Variants in MGA observed in about 807,000 individuals in gnomAD.
MGA encodes the protein MAX gene-associated protein.
A neutral mutation model predicts 261.1 loss-of-function variants in MGA; 40 were observed. The observed-to-expected ratio is 0.15, with a 90% CI of 0.12 to 0.20. MGA has a LOEUF of 0.20. Among genes scored for constraint, MGA ranks in the 10% least tolerant of loss-of-function variants. The pLI is 1.00. For missense variants in MGA, 3,397 were observed against 3,630.5 expected, an observed-to-expected ratio of 0.94 and a Z score of 1.65; for synonymous variants, 1,302 against 1,290.6, an observed-to-expected ratio of 1.01 and a Z score of -0.19.
At chr15:41,714,371 A>G (rs1194299524) in intron 9 of MGA, among the ~76,000 whole-genome samples, 1 of 152,192 alleles carries the variant, frequency 6.6e-6, no homozygotes, top group African/African-American at 2.4e-5. Context: ...TCTTTATTAT[A>G]AGCTGTACGG....
intron 2 of MGA, among the ~76,000 whole-genome samples, chr15:41,694,942 G>C (rs1013345692): frequency 6.6e-6 from 1 of 152,098 alleles, no homozygotes; most frequent in African/African-American, 2.4e-5. Context: ...GGCTATAAAT[G>C]CTGTTTTCAG....
intron 17 of MGA, among the ~76,000 whole-genome samples, chr15:41,752,686 C>T (rs2062910641): frequency 6.6e-6 from 1 of 150,960 alleles, no homozygotes; most frequent in Non-Finnish European, 1.5e-5. Flanking sequence ...TCCCGAGTAG[C>T]TTGGGATTAC....
intron 1 of MGA, among the ~76,000 whole-genome samples, chr15:41,625,359 T>C (rs751062430): frequency 2.0e-5 from 3 of 151,852 alleles, no homozygotes; most frequent in Non-Finnish European, 4.4e-5. Flanking sequence ...GGAGATCCAG[T>C]AATCAGCAAA....
chr15:41,718,014 C>CAA (rs759110458), intron 9 of MGA, among the ~76,000 whole-genome samples: 7 of 90,312 alleles, frequency 7.8e-5, no homozygotes, highest in African/African-American at 1.3e-4. Flanking sequence ...GACCCTGTCT[C>CAA]AAAAAAAAAA....
At chr15:41,752,907 G>A (rs140763407) in intron 17 of MGA, among the ~76,000 whole-genome samples, 14 of 152,080 alleles carry the variant, frequency 9.2e-5, no homozygotes, top group African/African-American at 3.4e-4. Flanking sequence ...GTACTAATAG[G>A]GAATTTGACA....
chr15:41,749,823 G>T lies in MGA; in HGVS notation c.6216G>T (p.Arg2072Ser). The T allele has an allele frequency of 6.2e-7, 1 of 1,613,916 alleles. No individual in the cohort carries two copies. Among genetic ancestry groups the T allele is most frequent in the African/African-American group, 1.3e-5 (1 of 75,038 alleles). ...ATGTTAATGAAGAATATGGGGCTAG[G>T]AATCGTAAGAGTTCCAAAGAAAAAG... Residue 2072 changes from arginine (R) to serine (S), a missense_variant, in exon 17 of 24, where the codon AGG (arginine) becomes AGT (serine). Arg to Ser is a moderately radical substitution (Grantham distance 110). Coordinates refer to ENST00000219905, the MANE Select transcript of MGA (RefSeq NM_001164273.2).
chr15:41,684,539 G>A (rs976425016), intron 2 of MGA: 1 of 356,046 alleles, frequency 2.8e-6, no homozygotes, highest in Non-Finnish European at 5.5e-6. Context: ...CTTTCTGAGA[G>A]TGTTTATAAC....
At chr15:41,662,862 A>G (rs937306043) in intron 1 of MGA, among the ~76,000 whole-genome samples, 1 of 152,186 alleles carries the variant, frequency 6.6e-6, no homozygotes, top group Non-Finnish European at 1.5e-5. Flanking sequence ...TACTGTATTT[A>G]TTGTATGAAA....
At position 41,749,175 on chromosome 15, in the gene MGA, T is replaced by C. The variant is rs1161713459; in HGVS notation, c.5568T>C (p.Thr1856=). ...CCTCTGAGACTCCGCCATCTTCCACTTCGTCCTCTGCTTTCTCTGTCATGA... is the reference window on the plus strand; with the variant it reads ...CCTCTGAGACTCCGCCATCTTCCACCTCGTCCTCTGCTTTCTCTGTCATGA... Residue 1856 remains threonine, a synonymous_variant, in exon 17 of 24, where the codon ACT becomes ACC. Transcript: ENST00000219905. The C allele has an allele frequency of 6.2e-7, 1 of 1,613,894 alleles. No individual in the cohort carries two copies. The highest frequency in any genetic ancestry group is 8.5e-7 in the Non-Finnish European group (1 of 1,179,902).
intron 2 of MGA, among the ~76,000 whole-genome samples, chr15:41,681,096 A>G (rs1381520896): frequency 2.6e-5 from 4 of 152,232 alleles, no homozygotes. Context: ...AACCCTGGAC[A>G]AAGACCAGAC....
At chr15:41,671,230 G>A (rs1257345457) in intron 2 of MGA, among the ~76,000 whole-genome samples, 1 of 152,216 alleles carries the variant, frequency 6.6e-6, no homozygotes, top group Non-Finnish European at 1.5e-5. Flanking sequence ...ATGAGATGGG[G>A]GGGAGGATTT....
chr15:41,689,167 T>C (rs949179992), intron 2 of MGA, among the ~76,000 whole-genome samples: 5 of 152,190 alleles, frequency 3.3e-5, no homozygotes, highest in African/African-American at 9.7e-5. Flanking sequence ...AATGCACTTA[T>C]ATTTGATGTC....
At chr15:41,732,787 A>T (rs1233019454) in intron 11 of MGA, among the ~76,000 whole-genome samples, 1 of 152,244 alleles carries the variant, frequency 6.6e-6, no homozygotes. Flanking sequence ...TACGTAGATT[A>T]AATGGAAACT....
intron 1 of MGA, among the ~76,000 whole-genome samples, chr15:41,653,228 G>T (rs796892974): frequency 7.2e-5 from 11 of 152,040 alleles, no homozygotes; most frequent in African/African-American, 2.4e-4. Context: ...AATTAGCAGG[G>T]TGTGGTGGTG....
intron 13 of MGA, chr15:41,740,032 C>T: frequency 6.2e-7 from 1 of 1,613,960 alleles, no homozygotes; most frequent in Non-Finnish European, 8.5e-7. Context: ...CCTCTCAACC[C>T]TCAGTACTGT....
chr15:41,718,250 TATAG>T (rs34194366), intron 9 of MGA: 2,433 of 209,522 alleles, frequency 0.012, 30 homozygotes, highest in Non-Finnish European at 0.017. Context: ...TCTCACTATA[TATAG>T]ATAGATATCT....
intron 2 of MGA, among the ~76,000 whole-genome samples, chr15:41,687,654 T>G (rs539271978): frequency 1.3e-5 from 2 of 152,312 alleles, no homozygotes; most frequent in South Asian, 4.1e-4. Flanking sequence ...GTTACTGATT[T>G]GTAGTTTGAT....
At chr15:41,714,324 T>C (rs866880506) in intron 9 of MGA, among the ~76,000 whole-genome samples, 2 of 152,244 alleles carry the variant, frequency 1.3e-5, no homozygotes, top group East Asian at 1.9e-4. Flanking sequence ...CATGTTGTTA[T>C]AATCCCTTTG....
chr15:41,688,020 T>C (rs2059056487), intron 2 of MGA, among the ~76,000 whole-genome samples: 1 of 152,202 alleles, frequency 6.6e-6, no homozygotes, highest in Non-Finnish European at 1.5e-5. Flanking sequence ...TAGGGTTGTT[T>C]ATGTTTTCTT....
Sources: allele counts gnomAD v4.1 joint callset (sites outside exome capture counted in the v4.1 genomes callset), GRCh38; gene constraint gnomAD v4.1.1; transcripts MANE v1.5; gene names NCBI Gene and HGNC (gene_info 2026-07-23, HGNC 2026-07-21).